Variants in NTM observed in about 807,000 individuals in gnomAD.
NTM encodes the protein IgLON family member 2.
NTM carries 13 observed loss-of-function variants against 42.1 expected under a neutral mutation model. The observed-to-expected ratio is 0.31, with a 90% CI of 0.20 to 0.49. The LOEUF (loss-of-function observed/expected upper bound fraction) is 0.49, where lower values mean the gene tolerates loss of function less well. Ranked by LOEUF, NTM falls within the 20% of genes least tolerant of loss-of-function variation. The probability of loss-of-function intolerance (pLI) is 0.99; values close to 1 mark genes in which losing one functional copy is unlikely to be tolerated. For missense variants in NTM, 373 were observed against 452.8 expected (o/e 0.82, Z 1.60); for synonymous variants, 187 against 179.2 (o/e 1.04, Z -0.35).
intron 1 of NTM, among the ~76,000 whole-genome samples, chr11:131,722,573 G>C (rs903801184): frequency 1.3e-5 from 2 of 152,242 alleles, no homozygotes; most frequent in Non-Finnish European, 2.9e-5. Flanking sequence ...ATGAGAGTAA[G>C]TACGCTGTTA....
chr11:131,819,365 A>G (rs2093083133), intron 1 of NTM, among the ~76,000 whole-genome samples: 1 of 152,174 alleles, frequency 6.6e-6, no homozygotes, highest in Non-Finnish European at 1.5e-5. Context: ...TTTTTAAAAG[A>G]TGCCCTAGAT....
chr11:131,672,537 G>A (rs577866552), intron 1 of NTM, among the ~76,000 whole-genome samples: 1 of 152,292 alleles, frequency 6.6e-6, no homozygotes, highest in South Asian at 2.1e-4. Flanking sequence ...CTTCGGCCTG[G>A]CCTCTTCCTA....
intron 1 of NTM, among the ~76,000 whole-genome samples, chr11:131,751,062 A>C (rs2082436172): frequency 6.7e-6 from 1 of 150,064 alleles, no homozygotes. Flanking sequence ...CCTCCTAATC[A>C]CTCTTCAGGC....
At chr11:132,134,907 C>G (rs527486038) in intron 2 of NTM, among the ~76,000 whole-genome samples, 112 of 151,566 alleles carry the variant, frequency 7.4e-4, no homozygotes, top group Non-Finnish European at 1.3e-3. Context: ...TGGTAGATAC[C>G]TAGTAGTGAG....
chr11:131,610,565 A>G (rs2061384732), intron 1 of NTM, among the ~76,000 whole-genome samples: 2 of 152,192 alleles, frequency 1.3e-5, no homozygotes, highest in African/African-American at 4.8e-5. Flanking sequence ...TTTTAACACA[A>G]GCTTACACAA....
At chr11:131,372,796 T>A (rs1015998691) in intron 1 of NTM, among the ~76,000 whole-genome samples, 2 of 151,798 alleles carry the variant, frequency 1.3e-5, no homozygotes, top group African/African-American at 4.8e-5. Context: ...ATACGTGATT[T>A]TTTTTTTCAT....
At chr11:131,445,549 C>A (rs1949992909) in intron 1 of NTM, among the ~76,000 whole-genome samples, 1 of 152,070 alleles carries the variant, frequency 6.6e-6, no homozygotes, top group African/African-American at 2.4e-5. Context: ...GATGAGCTAA[C>A]CAACTTTGAG....
chr11:132,158,865 A>C (rs572570246), intron 3 of NTM, among the ~76,000 whole-genome samples: 3 of 152,290 alleles, frequency 2.0e-5, no homozygotes, highest in Admixed American at 2.0e-4. Context: ...ACACAGCAGG[A>C]AGGACTCTGA....
At chr11:131,857,609 C>T (rs2046228213) in intron 1 of NTM, among the ~76,000 whole-genome samples, 1 of 152,156 alleles carries the variant, frequency 6.6e-6, no homozygotes, top group African/African-American at 2.4e-5. Context: ...TTGTAACTCC[C>T]ACAGGACAAG....
chr11:132,172,455 C>T (rs2076240692), intron 3 of NTM, among the ~76,000 whole-genome samples: 1 of 152,186 alleles, frequency 6.6e-6, no homozygotes, highest in Non-Finnish European at 1.5e-5. Flanking sequence ...TACAAGCCTT[C>T]TCTTTAAAGG....
intron 6 of NTM, among the ~76,000 whole-genome samples, chr11:132,314,278 C>T (rs1173965570): frequency 6.6e-6 from 1 of 152,186 alleles, no homozygotes; most frequent in African/African-American, 2.4e-5. Context: ...TGTGGTGTTG[C>T]TGTCAGACTA....
intron 2 of NTM, among the ~76,000 whole-genome samples, chr11:132,135,154 T>C (rs1439065604): frequency 1.3e-5 from 2 of 152,088 alleles, no homozygotes; most frequent in African/African-American, 4.8e-5. Context: ...TTCTTGGCAC[T>C]CCAAGGTCTC....
chr11:131,455,827 C>T (rs919074780), intron 1 of NTM, among the ~76,000 whole-genome samples: 2 of 152,006 alleles, frequency 1.3e-5, no homozygotes, highest in African/African-American at 4.8e-5. Context: ...CTGTTGAAGT[C>T]GAATAAATAT....
chr11:131,815,627 T>G (rs140494259), intron 1 of NTM, among the ~76,000 whole-genome samples: 3 of 152,014 alleles, frequency 2.0e-5, no homozygotes, highest in Non-Finnish European at 4.4e-5. Context: ...CAACCCCCAC[T>G]TCCCCCCTCC....
chr11:132,109,748 G>A (rs2062912990), intron 2 of NTM, among the ~76,000 whole-genome samples: 1 of 152,118 alleles, frequency 6.6e-6, no homozygotes, highest in Admixed American at 6.6e-5. Flanking sequence ...AGTGTGCACA[G>A]CATTGTGTAC....
chr11:131,886,729 A>G (rs2050462455), intron 1 of NTM, among the ~76,000 whole-genome samples: 1 of 152,182 alleles, frequency 6.6e-6, no homozygotes, highest in Admixed American at 6.5e-5. Flanking sequence ...AGCTCTGACC[A>G]TTACCCTGGT....
intron 1 of NTM, among the ~76,000 whole-genome samples, chr11:131,498,325 C>A (rs1251500990): frequency 1.3e-5 from 2 of 152,192 alleles, no homozygotes; most frequent in African/African-American, 4.8e-5. Flanking sequence ...TACCCACCTT[C>A]CAGAGTGGCT....
intron 1 of NTM, among the ~76,000 whole-genome samples, chr11:131,725,180 G>C (rs1034005575): frequency 2.6e-5 from 4 of 152,176 alleles, no homozygotes; most frequent in African/African-American, 4.8e-5. Flanking sequence ...AACAAGGGAG[G>C]ACAGAAACCT....
At chr11:131,572,266 G>A (rs565975665) in intron 1 of NTM, among the ~76,000 whole-genome samples, 4 of 152,136 alleles carry the variant, frequency 2.6e-5, no homozygotes, top group Non-Finnish European at 5.9e-5. Context: ...TACAAGGGGA[G>A]CCTGGCTAAA....
Sources: gnomAD v4.1 joint callset for allele counts (sites outside exome capture counted in the v4.1 genomes callset) on GRCh38, gnomAD v4.1.1 for gene constraint, MANE v1.5 for transcripts, NCBI Gene and HGNC (gene_info 2026-07-23, HGNC 2026-07-21) for gene names.